The following SIN3B variants were observed in gnomAD, a reference collection of about 807,000 sequenced individuals.
SIN3B encodes SIN3 transcription regulator family member B, also known as paired amphipathic helix protein Sin3b.
Under a neutral mutation model 120.2 loss-of-function variants are expected in SIN3B, and 19 were observed. That is an observed-to-expected ratio of 0.16 (90% CI 0.11 to 0.23). SIN3B has a LOEUF of 0.23. SIN3B is among the 10% of genes least tolerant of loss of function. SIN3B has a pLI of 1.00. For synonymous variants in SIN3B, 654 were observed against 653.2 expected (o/e 1.00, Z -0.02); for missense variants, 1,073 against 1,573.0 (o/e 0.68, Z 5.38).
In SIN3B at chr19:16,854,148, C is replaced by G. The variant is rs769356114; in HGVS notation, c.945C>G (p.Arg315=). 1.5e-5 allele frequency: 24 copies of G among 1,611,018 alleles called. No homozygotes were observed. In the African/African-American group the frequency reaches 2.9e-4, roughly 20 times the overall value. ...LQEFSFFDKV[R]RVLKSQEVYE... ...CCTGACTGCTCTCTCTGCAGGTCCG[C>G]CGGGTGCTGAAGAGCCAGGAGGTGT... The change falls in exon 8 of 19, where the codon CGC becomes CGG. Residue 315 remains arginine, a synonymous_variant. Coordinates refer to ENST00000248054, the MANE Select transcript of SIN3B (RefSeq NM_001297595.2).
In SIN3B at chr19:16,836,622, G is replaced by A. The variant is rs538405977; in HGVS notation, c.381+4975G>A. ...GCCCTGCACTGTCTTGTTCATGACTGTATCCACCTTCTGGAACGTCGCCAG... is the reference window on the plus strand; with the variant it reads ...GCCCTGCACTGTCTTGTTCATGACTATATCCACCTTCTGGAACGTCGCCAG... On this transcript the variant is annotated intron_variant, in intron 3 of 18. Coordinates refer to ENST00000248054, the MANE Select transcript of SIN3B (RefSeq NM_001297595.2). Among the ~76,000 whole-genome samples, 9 of 152,350 alleles carry A rather than the reference G, an allele frequency of 5.9e-5. 1 individual carries two copies. The South Asian group carries it at 1.4e-3, about 25-fold the overall frequency.
rs571037508 is a variant in SIN3B at position 16,879,632 on chromosome 19, C to T, written c.*905C>T. 6.6e-6 allele frequency: 1 copy of T among 152,436 alleles called. No individual in the cohort carries two copies. Among genetic ancestry groups the T allele is most frequent in the East Asian group, 1.9e-4 (1 of 5,190 alleles). The allele number at this position is 152,436 out of a possible 1,614,324, so 9.4% of individuals were successfully genotyped here. ...GGCTGAGATCTCCCTTTGTGGAACT[C>T]CGAGAGCCGCCCTGACAGTCCCAGC... is the stretch of plus-strand genomic sequence containing the variant. On this transcript the variant is annotated 3_prime_UTR_variant, in exon 19 of 19. Transcript: ENST00000248054.
chr19:16,860,710 C>T (rs1971676432), intron 8 of SIN3B, among the ~76,000 whole-genome samples: 1 of 151,268 alleles, frequency 6.6e-6, no homozygotes. Flanking sequence ...ACGCCATTCT[C>T]CTGCCTCAGC....
intron 2 of SIN3B, among the ~76,000 whole-genome samples, chr19:16,830,293 C>T (rs1365111892): frequency 6.6e-6 from 1 of 152,140 alleles, no homozygotes; most frequent in Non-Finnish European, 1.5e-5. Context: ...ATTTTTGGCA[C>T]CCTCTTCCCC....
rs909148870 is a variant in SIN3B, at chr19:16,878,792, G to T, written c.*65G>T. The T allele has an allele frequency of 4.3e-6, 6 of 1,394,956 alleles. No individual in the cohort carries two copies. Among genetic ancestry groups the T allele is most frequent in the African/African-American group, 2.9e-5 (2 of 69,930 alleles). 86.4% of individuals were successfully genotyped at this position (1,394,956 alleles called of 1,614,324 possible). A position where few individuals can be genotyped will look rare whatever the true frequency, so the allele number is the denominator to read the frequency against. ...CAGACGTGCCCTCGGCCTTGGTCGT[G>T]TCGGGGCCGTTTTCTTGAACGACGT... On this transcript the variant is annotated 3_prime_UTR_variant, in exon 19 of 19. Coordinates refer to ENST00000248054, the MANE Select transcript of SIN3B (RefSeq NM_001297595.2).
intron 12 of SIN3B, among the ~76,000 whole-genome samples, chr19:16,867,869 C>A (rs1425208129): frequency 6.6e-6 from 1 of 152,192 alleles, no homozygotes; most frequent in Admixed American, 6.5e-5. Flanking sequence ...CGGCGATCCT[C>A]AAGCCCAAGA....
rs776260371 is a variant in SIN3B, at chr19:16,869,671, A to T, written c.2018A>T (p.Asp673Val). The T allele has an allele frequency of 6.2e-7, 1 of 1,613,450 alleles. No homozygotes were observed. The highest frequency in any genetic ancestry group is 8.5e-7 in the Non-Finnish European group (1 of 1,180,014). Residue 673 changes from aspartate (D) to valine (V), a missense_variant, in exon 13 of 19, where the codon GAC becomes GTC. Asp to Val is a radical substitution (Grantham distance 152). Around this residue, in one of 7 missense-constraint regions of SIN3B, gnomAD observed 169 missense variants for 207.3 expected, o/e 0.82. Transcript: ENST00000248054. Reference protein sequence around the residue: ...VPSLFFSQQLDLGASEESADE... With the variant: ...VPSLFFSQQLVLGASEESADE... ...AGCCTCTTCTTCTCTCAGCAGCTGGACCTGGGCGCCTCCGAGGAGTCAGCT... is the reference window on the plus strand; with the variant it reads ...AGCCTCTTCTTCTCTCAGCAGCTGGTCCTGGGCGCCTCCGAGGAGTCAGCT...
At chr19:16,874,783 T>C (rs1599616689) in intron 14 of SIN3B, among the ~76,000 whole-genome samples, 1 of 151,898 alleles carries the variant, frequency 6.6e-6, no homozygotes, top group East Asian at 1.9e-4. Flanking sequence ...TGGTTTGGTC[T>C]GGTTTGGTGT....
At chr19:16,848,346 C>T (rs553851149) in intron 5 of SIN3B, among the ~76,000 whole-genome samples, 20 of 151,302 alleles carry the variant, frequency 1.3e-4, no homozygotes, top group Admixed American at 8.6e-4. Context: ...CTACAGTGAC[C>T]GCACCATTTT....
chr19:16,876,165 T>C lies in SIN3B; in HGVS notation c.2703T>C (p.Ala901=). The C allele has an allele frequency of 6.2e-7, 1 of 1,613,220 alleles. No homozygotes were observed. The highest frequency in any genetic ancestry group is 8.5e-7 in the Non-Finnish European group (1 of 1,179,944). ...ACCTGTCCTCCCGCTGCGTCCGCGCTGCTAGGGAGACCAGCTACCAGTGGA... is the reference window on the plus strand; with the variant it reads ...ACCTGTCCTCCCGCTGCGTCCGCGCCGCTAGGGAGACCAGCTACCAGTGGA... The part of the protein sequence containing the change: ...GGNLSSRCVR[A]ARETSYQWKA... The change falls in exon 15 of 19, where the codon GCT becomes GCC. Residue 901 remains alanine, a synonymous_variant. Coordinates refer to ENST00000248054, the MANE Select transcript of SIN3B (RefSeq NM_001297595.2). The surrounding 1 kb of genome is among the most constrained non-coding windows in gnomAD (Gnocchi z 7.1).
chr19:16,849,872 C>G (rs890839865), intron 5 of SIN3B, among the ~76,000 whole-genome samples: 1 of 151,518 alleles, frequency 6.6e-6, no homozygotes, highest in African/African-American at 2.4e-5. Context: ...AAGAGAATCA[C>G]TTGAACCCAG....
intron 14 of SIN3B, 68 bp from the exon 15 acceptor site, chr19:16,875,987 C>T (rs1340342381): frequency 5.9e-5 from 88 of 1,490,782 alleles, no homozygotes; most frequent in Non-Finnish European, 7.8e-5. Context: ...TGTCGACTTC[C>T]TCTGTGGGTG....
At chr19:16,851,375 G>C in intron 5 of SIN3B, 37 bp from the exon 6 acceptor site, 1 of 1,541,310 alleles carries the variant, frequency 6.5e-7, no homozygotes, top group Non-Finnish European at 8.8e-7. Flanking sequence ...GTCCAGCCAC[G>C]TCTCCGGTGC....
chr19:16,851,382 G>A (rs552359041), intron 5 of SIN3B, 30 bp from the exon 6 acceptor site: 8 of 1,560,400 alleles, frequency 5.1e-6, no homozygotes, highest in Non-Finnish European at 7.0e-6. Flanking sequence ...CACGTCTCCG[G>A]TGCTGACCAC....
At position 16,871,408 on chromosome 19, in the gene SIN3B, G is replaced by A; in HGVS notation, c.2592+10G>A. The A allele has an allele frequency of 6.3e-7, 1 of 1,593,000 alleles. No individual in the cohort carries two copies. The highest frequency in any genetic ancestry group is 8.6e-7 in the Non-Finnish European group (1 of 1,168,420). On this transcript the variant is annotated intron_variant, in intron 14 of 18. Coordinates refer to ENST00000248054, the MANE Select transcript of SIN3B (RefSeq NM_001297595.2). Reference sequence around the variant, plus strand: ...GAACATTGCGCGGCAGGTGAGCCGGGCCGGGGTGGGGCCGGCCCTGAGGAC... The same window carrying A: ...GAACATTGCGCGGCAGGTGAGCCGGACCGGGGTGGGGCCGGCCCTGAGGAC...
intron 5 of SIN3B, among the ~76,000 whole-genome samples, chr19:16,848,619 A>G (rs1440790053): frequency 6.6e-6 from 1 of 151,872 alleles, no homozygotes; most frequent in East Asian, 1.9e-4. Context: ...CTCCCACCTC[A>G]GCCTCCTGAG....
chr19:16,875,344 CTGGTCTGGTCTGTT>C (rs1370176793), intron 14 of SIN3B, among the ~76,000 whole-genome samples: 3 of 125,968 alleles, frequency 2.4e-5, no homozygotes, highest in Non-Finnish European at 1.6e-5. Context: ...CTGGTTTGGT[CTGGTCTGGTCTGTT>C]TGGTCTGGTC....
intron 3 of SIN3B, among the ~76,000 whole-genome samples, chr19:16,839,279 C>T (rs879555002): frequency 5.9e-5 from 9 of 152,150 alleles, no homozygotes; most frequent in Admixed American, 5.2e-4. Flanking sequence ...GAGCCACTGT[C>T]CCTGGCCTGA....
chr19:16,875,902 G>C (rs1208096337), intron 14 of SIN3B, 153 bp from the exon 15 acceptor site: 18 of 924,754 alleles, frequency 1.9e-5, no homozygotes, highest in Non-Finnish European at 1.6e-5. Flanking sequence ...GGTCTGGTCT[G>C]CCCACAGCCT....
Sources: allele counts gnomAD v4.1 joint callset (sites outside exome capture counted in the v4.1 genomes callset), GRCh38; gene constraint gnomAD v4.1.1; regional missense constraint gnomAD v4.1.1; non-coding constraint Gnocchi (gnomAD v3.1); transcripts MANE v1.5; gene names NCBI Gene and HGNC (gene_info 2026-07-23, HGNC 2026-07-21).